MTHFD2L: variants seen among roughly 807,000 people sequenced by gnomAD.
The protein encoded by MTHFD2L is methylenetetrahydrofolate dehydrogenase (NADP+ dependent) 2 like.
In MTHFD2L, 29 loss-of-function variants were observed where a neutral mutation model predicts 34.9. The observed-to-expected ratio is 0.83, with a 90% CI of 0.62 to 1.13. The LOEUF (loss-of-function observed/expected upper bound fraction) is 1.13. Among genes scored for constraint, MTHFD2L ranks in the 50% most tolerant of loss-of-function variants. MTHFD2L has a pLI of 0.00. For synonymous variants in MTHFD2L, 167 were observed against 155.7 expected (o/e 1.07, Z -0.54); for missense variants, 481 against 446.5 (o/e 1.08, Z -0.70).
At chr4:74,271,035 A>G (rs747045542) in intron 6 of MTHFD2L, among the ~76,000 whole-genome samples, 2 of 151,862 alleles carry the variant, frequency 1.3e-5, no homozygotes, top group Admixed American at 6.6e-5. Context: ...TTTTTCTTGT[A>G]AATTTGTCTG....
intron 1 of MTHFD2L, among the ~76,000 whole-genome samples, chr4:74,167,566 G>A (rs752053536): frequency 3.3e-5 from 5 of 152,312 alleles, no homozygotes; most frequent in Admixed American, 2.6e-4. Flanking sequence ...GATTCCCAGG[G>A]TACAGGGTTG....
At chr4:74,255,156 A>T (rs931085638) in intron 6 of MTHFD2L, among the ~76,000 whole-genome samples, 1 of 151,350 alleles carries the variant, frequency 6.6e-6, no homozygotes, top group African/African-American at 2.4e-5. Context: ...AAAAAAAAAA[A>T]AAAAAGAATT....
At chr4:74,271,600 A>T (rs1745993555) in intron 6 of MTHFD2L, among the ~76,000 whole-genome samples, 2 of 152,208 alleles carry the variant, frequency 1.3e-5, no homozygotes. Context: ...GAAGTCAGGT[A>T]GCATGATGCC....
At chr4:74,297,048 C>T (rs1253835945) in intron 7 of MTHFD2L, among the ~76,000 whole-genome samples, 1 of 152,036 alleles carries the variant, frequency 6.6e-6, no homozygotes, top group Non-Finnish European at 1.5e-5. Flanking sequence ...TACAACTGAA[C>T]ACACACCCTA....
rs571897851 is a variant in MTHFD2L at position 74,262,433 on chromosome 4, C to A, written c.806-18992C>A. On this transcript the variant is annotated intron_variant, in intron 6 of 7. Coordinates refer to ENST00000325278, the MANE Select transcript of MTHFD2L (RefSeq NM_001144978.3). Reference sequence around the variant, plus strand: ...TATATAATTCCTAAAATCTATGGAACAAGTGCCTCTTAGAGTTAAAATTTT... The same window carrying A: ...TATATAATTCCTAAAATCTATGGAAAAAGTGCCTCTTAGAGTTAAAATTTT... Among the ~76,000 whole-genome samples the A allele has an allele frequency of 3.3e-5, 5 of 151,774 alleles. No individual in the cohort carries two copies. The South Asian group carries it at 1.0e-3, about 31-fold the overall frequency.
In MTHFD2L at chr4:74,246,917, T is replaced by C. The variant is rs1742548070; in HGVS notation, c.805+21523T>C. Among the ~76,000 whole-genome samples, 5 of 152,232 alleles carry C rather than the reference T, an allele frequency of 3.3e-5. No individual in the cohort carries two copies. In the South Asian group the frequency reaches 1.0e-3, roughly 32 times the overall value. On this transcript the variant is annotated intron_variant, in intron 6 of 7. Coordinates refer to ENST00000325278, the MANE Select transcript of MTHFD2L (RefSeq NM_001144978.3). Reference sequence around the variant, plus strand: ...TAGTTTGAAGTCAGGTAGCATGATGTCTCCAGCTTTGTTCCTTTGGCTTAG... The same window carrying C: ...TAGTTTGAAGTCAGGTAGCATGATGCCTCCAGCTTTGTTCCTTTGGCTTAG...
intron 6 of MTHFD2L, among the ~76,000 whole-genome samples, chr4:74,245,974 G>T (rs371781407): frequency 6.7e-6 from 1 of 148,508 alleles, no homozygotes; most frequent in Admixed American, 6.8e-5. Flanking sequence ...ATGATTTATA[G>T]TCCTTTGGGT....
At chr4:74,190,618 G>T in intron 3 of MTHFD2L, 1 of 601,376 alleles carries the variant, frequency 1.7e-6, no homozygotes, top group Non-Finnish European at 2.1e-6. Context: ...CTGTCCCCTT[G>T]TCCCTTGATG....
chr4:74,286,522 G>A (rs1748194883), intron 7 of MTHFD2L, among the ~76,000 whole-genome samples: 1 of 151,960 alleles, frequency 6.6e-6, no homozygotes, highest in Admixed American at 6.6e-5. Flanking sequence ...ATAACACATT[G>A]GAAAACAGTA....
chr4:74,252,575 ATGAAT>A (rs938906123), intron 6 of MTHFD2L, among the ~76,000 whole-genome samples: 10 of 152,324 alleles, frequency 6.6e-5, no homozygotes, highest in African/African-American at 2.4e-4. Flanking sequence ...AATTATGAAA[ATGAAT>A]TAATTAGAAA....
chr4:74,292,728 A>G (rs1034436629), intron 7 of MTHFD2L, among the ~76,000 whole-genome samples: 31 of 152,186 alleles, frequency 2.0e-4, no homozygotes, highest in African/African-American at 7.0e-4. Context: ...ACTCCTGCCT[A>G]CTGAAATGGA....
rs1258136271 is a variant in MTHFD2L, at chr4:74,212,990, G to GT, written c.712+11624dup. On this transcript the variant is annotated intron_variant, in intron 5 of 7. Transcript: ENST00000325278. The stretch of plus-strand genomic sequence containing the variant: ...TGTGATCTTTGTTGGTTTAAAGTCT[G>GT]TTTTATCAGAGACTAGGATTGCAAC... Among the ~76,000 whole-genome samples, 4 of 150,344 alleles carry GT rather than the reference G, an allele frequency of 2.7e-5. No homozygotes were observed. In the East Asian group the frequency reaches 5.9e-4, roughly 22 times the overall value.
At chr4:74,213,158 A>G (rs536013970) in intron 5 of MTHFD2L, among the ~76,000 whole-genome samples, 1 of 152,128 alleles carries the variant, frequency 6.6e-6, no homozygotes, top group Non-Finnish European at 1.5e-5. Context: ...CCAATTTGCC[A>G]GTCTGTGCCT....
At chr4:74,229,534 T>C (rs1739688393) in intron 6 of MTHFD2L, among the ~76,000 whole-genome samples, 1 of 152,138 alleles carries the variant, frequency 6.6e-6, no homozygotes, top group African/African-American at 2.4e-5. Context: ...TGATAATGTC[T>C]GAGAGATGAG....
intron 1 of MTHFD2L, among the ~76,000 whole-genome samples, chr4:74,159,887 G>A (rs1397116256): frequency 6.6e-6 from 1 of 152,076 alleles, no homozygotes; most frequent in Admixed American, 6.6e-5. Flanking sequence ...GAGGGCACTA[G>A]GCAAGTTAAG....
At chr4:74,260,575 A>T (rs1300104335) in intron 6 of MTHFD2L, among the ~76,000 whole-genome samples, 1 of 152,154 alleles carries the variant, frequency 6.6e-6, no homozygotes, top group South Asian at 2.1e-4. Context: ...TGACATAAAT[A>T]CTAGATAGTT....
chr4:74,190,800 T>C (rs1318156620), intron 3 of MTHFD2L, among the ~76,000 whole-genome samples: 1 of 152,228 alleles, frequency 6.6e-6, no homozygotes, highest in African/African-American at 2.4e-5. Flanking sequence ...AATAAATCAT[T>C]GAGAGACTAT....
At chr4:74,123,375 C>G (rs541648567), upstream of MTHFD2L, 1 of 152,162 alleles carries the variant, frequency 6.6e-6, no homozygotes, top group Non-Finnish European at 1.5e-5. Context: ...CTGGCTGTTG[C>G]TCTACTGCTT....
rs200623906 is a variant in MTHFD2L, at chr4:74,185,179, AT to A, written c.451+9777del. On this transcript the variant is annotated intron_variant, in intron 3 of 7. Coordinates refer to ENST00000325278, the MANE Select transcript of MTHFD2L (RefSeq NM_001144978.3). ...AAAAAAAAAAAAAAAAAAAAAAAAA[AT>A]CTGGAAAATCCCTAAATATTTGAAA... Among the ~76,000 whole-genome samples, 38 of 144,304 alleles carry A rather than the reference AT, an allele frequency of 2.6e-4. 8 individuals are homozygous for A. The highest frequency in any genetic ancestry group is 1.1e-3 in the African/African-American group (38 of 36,076). 94.7% of individuals were successfully genotyped at this position (144,304 alleles called of 152,430 possible). A position where few individuals can be genotyped will look rare whatever the true frequency, so the allele number is the denominator to read the frequency against.
Sources: gnomAD v4.1 joint callset for allele counts (sites outside exome capture counted in the v4.1 genomes callset) on GRCh38, gnomAD v4.1.1 for gene constraint, MANE v1.5 for transcripts, NCBI Gene and HGNC (gene_info 2026-07-23, HGNC 2026-07-21) for gene names.